CSMD1: variants seen among roughly 807,000 people sequenced by gnomAD.
The protein encoded by CSMD1 is CUB and Sushi multiple domains 1.
Under a neutral mutation model 417.5 loss-of-function variants are expected in CSMD1, and 213 were observed. That is an observed-to-expected ratio of 0.51 (90% CI 0.46 to 0.57). CSMD1 has a LOEUF of 0.57. Ranked by LOEUF, CSMD1 falls within the 20% of genes least tolerant of loss-of-function variation. CSMD1 has a pLI of 0.00. For missense variants in CSMD1, 6,923 were observed against 4,529.7 expected (o/e 1.53, Z -15.17); for synonymous variants, 2,862 against 1,736.8 (o/e 1.65, Z -16.11).
intron 3 of CSMD1, among the ~76,000 whole-genome samples, chr8:4,302,926 C>T (rs1220211987): frequency 6.6e-6 from 1 of 151,152 alleles, no homozygotes; most frequent in East Asian, 1.9e-4. Context: ...TTTTTTTTTT[C>T]TGGAAAATGC....
chr8:4,255,318 G>A (rs1041732831), intron 3 of CSMD1, among the ~76,000 whole-genome samples: 1 of 152,160 alleles, frequency 6.6e-6, no homozygotes, highest in African/African-American at 2.4e-5. Context: ...AACTCCAGGA[G>A]GGGAGCTGTT....
At chr8:4,976,209 G>A (rs965753428) in intron 1 of CSMD1, among the ~76,000 whole-genome samples, 1 of 152,128 alleles carries the variant, frequency 6.6e-6, no homozygotes, top group East Asian at 1.9e-4. Flanking sequence ...CTAACTCACT[G>A]CCTGGGTGAC....
rs1377304281 is a variant in CSMD1 at position 3,772,189 on chromosome 8, T to TATATATATATAC, written c.819-18148_819-18147insGTATATATATAT. Among the ~76,000 whole-genome samples, 67 of 100,912 alleles carry TATATATATATAC rather than the reference T, an allele frequency of 6.6e-4. 6 individuals are homozygous for TATATATATATAC. The highest frequency in any genetic ancestry group is 2.3e-3 in the African/African-American group (57 of 24,290). The allele number at this position is 100,912 out of a possible 152,430, so 66.2% of individuals were successfully genotyped here. A position where few individuals can be genotyped will look rare whatever the true frequency, so the allele number is the denominator to read the frequency against. On this transcript the variant is annotated intron_variant, in intron 5 of 69. Transcript: ENST00000635120. Reference sequence around the variant, plus strand: ...CAACATATATATATATATATATATATACACACACACACACACACACACACA... The same window carrying TATATATATATAC: ...CAACATATATATATATATATATATATATATATATATACACACACACACACACACACACACACA...
intron 3 of CSMD1, among the ~76,000 whole-genome samples, chr8:4,046,232 G>C (rs7829188): frequency 0.071 from 10,824 of 152,078 alleles, 773 homozygotes; most frequent in African/African-American, 0.18. Context: ...ACAATATAAA[G>C]GTCATGTGGC....
chr8:4,449,076 T>C (rs1798980870), intron 2 of CSMD1, among the ~76,000 whole-genome samples: 1 of 151,598 alleles, frequency 6.6e-6, no homozygotes, highest in South Asian at 2.1e-4. Context: ...TAAACCTCTT[T>C]CTAAGGAGAT....
intron 18 of CSMD1, among the ~76,000 whole-genome samples, chr8:3,370,424 G>A (rs1809873664): frequency 6.6e-6 from 1 of 152,292 alleles, no homozygotes; most frequent in East Asian, 1.9e-4. Flanking sequence ...GCAGTTGTGA[G>A]GCCTATGGAT....
intron 1 of CSMD1, among the ~76,000 whole-genome samples, chr8:4,781,743 T>G (rs928614757): frequency 6.6e-6 from 1 of 152,194 alleles, no homozygotes; most frequent in African/African-American, 2.4e-5. Context: ...GCTTACTATA[T>G]GGTAACCATT....
At chr8:3,101,355 G>T (rs1412655414) in intron 46 of CSMD1, among the ~76,000 whole-genome samples, 4 of 152,176 alleles carry the variant, frequency 2.6e-5, no homozygotes, top group Non-Finnish European at 4.4e-5. Context: ...AGCCACTTCT[G>T]TGATGTCTCT....
chr8:3,179,343 T>TA (rs1199643663), intron 37 of CSMD1, among the ~76,000 whole-genome samples: 2 of 152,138 alleles, frequency 1.3e-5, no homozygotes, highest in Non-Finnish European at 2.9e-5. Flanking sequence ...GGTGTTAGTA[T>TA]AAAAAACAAC....
intron 3 of CSMD1, among the ~76,000 whole-genome samples, chr8:4,087,471 T>C (rs1269642720): frequency 6.6e-6 from 1 of 152,210 alleles, no homozygotes; most frequent in Non-Finnish European, 1.5e-5. Flanking sequence ...CTGTCCCTTT[T>C]CTTTCCAAAC....
chr8:4,005,144 T>G (rs1369663278), intron 4 of CSMD1, among the ~76,000 whole-genome samples: 1 of 151,416 alleles, frequency 6.6e-6, no homozygotes, highest in Non-Finnish European at 1.5e-5. Flanking sequence ...GGGGGAAGAG[T>G]GGGAGTGGGG....
Position 3,699,094 on chromosome 8 carries a change from G to T in CSMD1, c.1009+9320C>A, listed in dbSNP as rs191648116. Among the ~76,000 whole-genome samples the T allele has an allele frequency of 7.2e-5, 11 of 152,292 alleles. 1 individual carries two copies. In the East Asian group the frequency reaches 1.9e-3, roughly 27 times the overall value. ...ATGCATTCGCTGAAATTCTTCAAAT[G>T]ACCTTCCTAAAAGCAAGCATGTCTC... On this transcript the variant is annotated intron_variant, in intron 7 of 69. Transcript: ENST00000635120.
At chr8:3,525,435 T>C (rs1344883526) in intron 10 of CSMD1, among the ~76,000 whole-genome samples, 1 of 152,128 alleles carries the variant, frequency 6.6e-6, no homozygotes, top group East Asian at 1.9e-4. Context: ...TTCACAAAAA[T>C]TTACAAGCCA....
intron 7 of CSMD1, among the ~76,000 whole-genome samples, chr8:3,617,195 G>A (rs868209092): frequency 1.3e-5 from 2 of 152,114 alleles, no homozygotes; most frequent in Non-Finnish European, 2.9e-5. Context: ...CAACAGAGAT[G>A]ATATTTACTA....
intron 30 of CSMD1, among the ~76,000 whole-genome samples, chr8:3,210,434 G>C (rs1426833773): frequency 6.7e-6 from 1 of 149,340 alleles, no homozygotes; most frequent in East Asian, 1.9e-4. Context: ...TATATATATA[G>C]GAATATACAT....
At chr8:2,950,981 A>G in intron 66 of CSMD1, 133 bp downstream of exon 66, 1 of 778,452 alleles carries the variant, frequency 1.3e-6, no homozygotes, top group Non-Finnish European at 1.9e-6. Context: ...GAGAGGCTCC[A>G]ATGAGTTACA....
In CSMD1 at chr8:2,936,724, A is replaced by C. The variant is rs1801512221; in HGVS notation, c.*1861T>G. On this transcript the variant is annotated 3_prime_UTR_variant, in exon 70 of 70. Coordinates refer to ENST00000635120, the MANE Select transcript of CSMD1 (RefSeq NM_033225.6). ...GAGACCCTTTCGACCGAGGAACACA[A>C]CACTGGGAGCCGAGCTCTACGGAAA... The C allele has an allele frequency of 6.6e-6, 1 of 152,270 alleles. No homozygotes were observed. Among genetic ancestry groups the C allele is most frequent in the African/African-American group, 2.4e-5 (1 of 41,464 alleles). The allele number at this position is 152,270 out of a possible 1,614,324, so 9.4% of individuals were successfully genotyped here.
At chr8:3,753,508 G>A (rs1187617398) in intron 6 of CSMD1, among the ~76,000 whole-genome samples, 1 of 152,178 alleles carries the variant, frequency 6.6e-6, no homozygotes, top group African/African-American at 2.4e-5. Context: ...ATGCATTTAT[G>A]TGGTGTGAAG....
At chr8:4,784,247 A>G (rs1797293919) in intron 1 of CSMD1, among the ~76,000 whole-genome samples, 1 of 152,212 alleles carries the variant, frequency 6.6e-6, no homozygotes, top group Non-Finnish European at 1.5e-5. Context: ...TGGAAAAGTC[A>G]AGCCCAAGTA....
Sources: allele counts gnomAD v4.1 joint callset (sites outside exome capture counted in the v4.1 genomes callset), GRCh38; gene constraint gnomAD v4.1.1; transcripts MANE v1.5; gene names NCBI Gene and HGNC (gene_info 2026-07-23, HGNC 2026-07-21).